Variants in CEP63 observed in about 807,000 individuals in gnomAD.
The protein encoded by CEP63 is centrosomal protein of 63 kDa.
CEP63 carries 84 observed loss-of-function variants against 89.1 expected under a neutral mutation model. The ratio of observed to expected loss-of-function variants is 0.94; its 90% CI spans 0.79 to 1.13. CEP63 has a LOEUF of 1.13. Among genes scored for constraint, CEP63 ranks in the 50% most tolerant of loss-of-function variants. The pLI is 0.00. For missense variants in CEP63, 838 were observed against 813.3 expected, an observed-to-expected ratio of 1.03 and a Z score of -0.37; for synonymous variants, 267 against 272.5, an observed-to-expected ratio of 0.98 and a Z score of 0.20.
intron 1 of CEP63, among the ~76,000 whole-genome samples, chr3:134,491,033 C>T (rs1449353287): frequency 6.6e-6 from 1 of 152,050 alleles, no homozygotes; most frequent in Non-Finnish European, 1.5e-5. Flanking sequence ...AGTGAATATC[C>T]CTGTGGATAT....
the CEP63 span, among the ~76,000 whole-genome samples, chr3:134,750,797 C>T: frequency 3.3e-5 from 5 of 152,184 alleles, no homozygotes; most frequent in African/African-American, 1.2e-4. Context: ...GGGTTTATGT[C>T]CAAAACCAAC....
intron 2 of CEP63, among the ~76,000 whole-genome samples, chr3:134,498,206 C>T (rs1448437651): frequency 1.3e-5 from 2 of 151,848 alleles, no homozygotes; most frequent in Non-Finnish European, 2.9e-5. Context: ...GCATGAATGT[C>T]TTTTCATTTG....
chr3:134,618,032 G>A, the CEP63 span, among the ~76,000 whole-genome samples: 1 of 152,098 alleles, frequency 6.6e-6, no homozygotes, highest in Admixed American at 6.5e-5. Flanking sequence ...AGCCTGGGTG[G>A]CATATTCTGT....
intron 3 of CEP63, among the ~76,000 whole-genome samples, chr3:134,509,831 G>A (rs879858413): frequency 2.0e-5 from 3 of 152,304 alleles, no homozygotes; most frequent in South Asian, 2.1e-4. Flanking sequence ...GGTCCAACCT[G>A]TACCACCAAC....
At chr3:134,643,024 T>A in the CEP63 span, among the ~76,000 whole-genome samples, 2 of 152,068 alleles carry the variant, frequency 1.3e-5, no homozygotes, top group South Asian at 2.1e-4. Context: ...TCAACAAATG[T>A]TGAATGTTGA....
chr3:134,768,383 G>T, the CEP63 span, among the ~76,000 whole-genome samples: 3 of 152,186 alleles, frequency 2.0e-5, no homozygotes, highest in African/African-American at 4.8e-5. Flanking sequence ...TTTGCCTACA[G>T]ATTTGAATTT....
chr3:134,774,523 C>T, the CEP63 span, among the ~76,000 whole-genome samples: 13 of 152,338 alleles, frequency 8.5e-5, no homozygotes, highest in Non-Finnish European at 1.8e-4. Flanking sequence ...GGCAGCCAGA[C>T]AGGGTTCCCC....
At chr3:134,648,023 A>G in the CEP63 span, among the ~76,000 whole-genome samples, 3 of 152,084 alleles carry the variant, frequency 2.0e-5, no homozygotes, top group Non-Finnish European at 4.4e-5. Flanking sequence ...CCTGTGTTTC[A>G]CTCTGCCTTG....
chr3:134,756,098 G>A, the CEP63 span, among the ~76,000 whole-genome samples: 3 of 152,228 alleles, frequency 2.0e-5, no homozygotes, highest in African/African-American at 4.8e-5. Flanking sequence ...TGCCCAGCCC[G>A]AGCAGGGCAC....
chr3:134,606,853 C>T, the CEP63 span: 1 of 909,462 alleles, frequency 1.1e-6, no homozygotes, highest in South Asian at 5.1e-5. Flanking sequence ...CGGCACTCTC[C>T]TAGAGCCTGG....
At chr3:134,624,335 G>C in the CEP63 span, among the ~76,000 whole-genome samples, 1 of 152,170 alleles carries the variant, frequency 6.6e-6, no homozygotes, top group East Asian at 1.9e-4. Context: ...TTATGTCTTT[G>C]CTTCTCATCT....
chr3:134,535,657 C>A lies in CEP63; in HGVS notation c.442-1498C>A, dbSNP rs181638579. ...ACTTTCAACTGCCTGTTTCCTATCT[C>A]CACTATGATGTCTAAAATGTGTCAA... On this transcript the variant is annotated intron_variant, in intron 5 of 14. Coordinates refer to ENST00000675561, the MANE Select transcript of CEP63 (RefSeq NM_001353108.3). 2.6e-5 allele frequency: 4 copies of A among 152,298 alleles called. No homozygotes were observed. In the East Asian group the frequency reaches 7.7e-4, roughly 29 times the overall value. 9.4% of individuals were successfully genotyped at this position (152,298 alleles called of 1,614,324 possible). A position where few individuals can be genotyped will look rare whatever the true frequency, so the allele number is the denominator to read the frequency against.
At chr3:134,760,792 C>T in the CEP63 span, among the ~76,000 whole-genome samples, 1 of 152,150 alleles carries the variant, frequency 6.6e-6, no homozygotes, top group Non-Finnish European at 1.5e-5. Flanking sequence ...ATGCAAATAG[C>T]TTTCTCACCA....
the CEP63 span, among the ~76,000 whole-genome samples, chr3:134,622,639 C>G: frequency 6.6e-6 from 1 of 152,136 alleles, no homozygotes; most frequent in African/African-American, 2.4e-5. Context: ...ATAATTAATG[C>G]TAGTGAATTG....
chr3:134,651,316 G>A, the CEP63 span: 6 of 1,171,666 alleles, frequency 5.1e-6, no homozygotes, highest in Non-Finnish European at 6.4e-6. Flanking sequence ...GCTGGTCCTG[G>A]GCTCCAGGGC....
At chr3:134,705,598 A>G in the CEP63 span, among the ~76,000 whole-genome samples, 5 of 152,302 alleles carry the variant, frequency 3.3e-5, no homozygotes, top group South Asian at 6.2e-4. Context: ...CAGGGTCTCA[A>G]TACAGCCAGG....
the CEP63 span, among the ~76,000 whole-genome samples, chr3:134,690,863 C>G: frequency 6.6e-6 from 1 of 151,646 alleles, no homozygotes; most frequent in Non-Finnish European, 1.5e-5. Flanking sequence ...ATTCTCCTGC[C>G]TCAGCCTCCC....
chr3:134,761,750 T>C, the CEP63 span, among the ~76,000 whole-genome samples: 1 of 151,850 alleles, frequency 6.6e-6, no homozygotes, highest in African/African-American at 2.4e-5. Context: ...TCTCTCTCTC[T>C]CCCCCCTGAA....
the CEP63 span, among the ~76,000 whole-genome samples, chr3:134,778,568 TG>T: frequency 6.6e-6 from 1 of 152,078 alleles, no homozygotes; most frequent in African/African-American, 2.4e-5. Context: ...TTTTCTGTTT[TG>T]TTTTTTTGAG....
Sources: allele counts gnomAD v4.1 joint callset (sites outside exome capture counted in the v4.1 genomes callset), GRCh38; gene constraint gnomAD v4.1.1; transcripts MANE v1.5; gene names NCBI Gene and HGNC (gene_info 2026-07-23, HGNC 2026-07-21).